KCNB2: variants seen among roughly 807,000 people sequenced by gnomAD.
The protein encoded by KCNB2 is potassium voltage-gated channel subfamily B member 2.
KCNB2 carries 15 observed loss-of-function variants against 61.5 expected under a neutral mutation model. The ratio of observed to expected loss-of-function variants is 0.24; its 90% CI spans 0.16 to 0.38. The LOEUF is 0.38. Among genes scored for constraint, KCNB2 ranks in the 10% least tolerant of loss-of-function variants. The probability of loss-of-function intolerance (pLI) is 1.00; values close to 1 mark genes in which losing one functional copy is unlikely to be tolerated. For synonymous variants in KCNB2, 457 were observed against 446.0 expected, an observed-to-expected ratio of 1.02 and a Z score of -0.31; for missense variants, 828 against 1,125.2, an observed-to-expected ratio of 0.74 and a Z score of 3.78.
chr8:72,646,271 T>C (rs1010017115), intron 2 of KCNB2, among the ~76,000 whole-genome samples: 3 of 152,170 alleles, frequency 2.0e-5, no homozygotes, highest in Admixed American at 1.3e-4. Context: ...TGTATTTGCA[T>C]TTTTACTTAC....
At chr8:72,775,183 C>T (rs923820070) in intron 2 of KCNB2, among the ~76,000 whole-genome samples, 3 of 152,162 alleles carry the variant, frequency 2.0e-5, no homozygotes, top group South Asian at 4.1e-4. Context: ...CCTTCCACAG[C>T]CTGCAGTCCT....
intron 2 of KCNB2, among the ~76,000 whole-genome samples, chr8:72,571,481 A>G (rs1430706891): frequency 6.6e-6 from 1 of 152,242 alleles, no homozygotes; most frequent in Admixed American, 6.5e-5. Context: ...GAAAACCATG[A>G]AATATAATCG....
intron 2 of KCNB2, among the ~76,000 whole-genome samples, chr8:72,672,550 AATTGGTCC>A (rs1167968096): frequency 6.6e-6 from 1 of 152,162 alleles, no homozygotes; most frequent in Non-Finnish European, 1.5e-5. Context: ...TTTTTATCAT[AATTGGTCC>A]TATTATCATT....
intron 2 of KCNB2, among the ~76,000 whole-genome samples, chr8:72,701,571 A>G (rs1302101676): frequency 2.0e-5 from 3 of 152,032 alleles, no homozygotes; most frequent in Non-Finnish European, 4.4e-5. Flanking sequence ...CTCTACTTCC[A>G]TTTTTTTCAT....
chr8:72,786,084 C>G (rs537666322), intron 2 of KCNB2, among the ~76,000 whole-genome samples: 2 of 150,624 alleles, frequency 1.3e-5, no homozygotes, highest in African/African-American at 4.9e-5. Context: ...AGACTTCACT[C>G]GCATTTTCAC....
intron 2 of KCNB2, among the ~76,000 whole-genome samples, chr8:72,893,780 A>G (rs970337318): frequency 7.2e-5 from 11 of 152,216 alleles, no homozygotes; most frequent in African/African-American, 1.4e-4. Context: ...TTTTGATTGA[A>G]TTGATTTGCT....
chr8:72,893,009 A>T (rs180770259), intron 2 of KCNB2, among the ~76,000 whole-genome samples: 1 of 152,134 alleles, frequency 6.6e-6, no homozygotes, highest in East Asian at 1.9e-4. Flanking sequence ...ACTACTGCAC[A>T]GTGAGAAAAT....
chr8:72,821,641 C>CAAAAAAAAAAA (rs61090576), intron 2 of KCNB2, among the ~76,000 whole-genome samples: 24 of 125,746 alleles, frequency 1.9e-4, no homozygotes, highest in South Asian at 5.6e-4. Flanking sequence ...CAAAAAAAAA[C>CAAAAAAAAAAA]AAAAAAAAAA....
intron 2 of KCNB2, among the ~76,000 whole-genome samples, chr8:72,597,369 A>G (rs955240047): frequency 1.3e-5 from 2 of 152,038 alleles, no homozygotes; most frequent in East Asian, 3.9e-4. Flanking sequence ...GGATCAACCC[A>G]CTGCATAAAG....
intron 2 of KCNB2, chr8:72,881,639 G>C (rs1411275924): frequency 6.7e-6 from 1 of 150,252 alleles, no homozygotes; most frequent in African/African-American, 2.4e-5. Flanking sequence ...TCTGTAGACA[G>C]AAAAGTACTA....
chr8:72,667,154 A>G (rs911991333), intron 2 of KCNB2, among the ~76,000 whole-genome samples: 3 of 152,202 alleles, frequency 2.0e-5, no homozygotes, highest in Non-Finnish European at 4.4e-5. Flanking sequence ...AGCACCTGGC[A>G]GAGTCTTTGT....
At chr8:72,930,293 A>G (rs1481945944) in intron 2 of KCNB2, among the ~76,000 whole-genome samples, 1 of 151,902 alleles carries the variant, frequency 6.6e-6, no homozygotes, top group African/African-American at 2.4e-5. Flanking sequence ...AGCATGATTT[A>G]TAGTCCTTTG....
Position 72,920,290 on chromosome 8 carries a change from T to G in KCNB2, c.580-15645T>G, listed in dbSNP as rs1806484380. On this transcript the variant is annotated intron_variant, in intron 2 of 2. Coordinates refer to ENST00000523207, the MANE Select transcript of KCNB2 (RefSeq NM_004770.3). The stretch of plus-strand genomic sequence containing the variant: ...CAATAGTCTATCAATAATGTTAACT[T>G]TGCTTAAATATTGAAGGATTTCATC... 2.0e-5 allele frequency among the ~76,000 whole-genome samples: 3 copies of G among 151,252 alleles called. No homozygotes were observed. The South Asian group carries it at 6.3e-4, about 32-fold the overall frequency.
chr8:72,861,860 A>C (rs1805420131), intron 2 of KCNB2, among the ~76,000 whole-genome samples: 1 of 152,162 alleles, frequency 6.6e-6, no homozygotes, highest in African/African-American at 2.4e-5. Flanking sequence ...TCCTGTGGCC[A>C]AAGACTTTCT....
At chr8:72,715,206 A>G (rs1341831488) in intron 2 of KCNB2, among the ~76,000 whole-genome samples, 3 of 152,150 alleles carry the variant, frequency 2.0e-5, no homozygotes, top group African/African-American at 7.2e-5. Context: ...CCACACAATA[A>G]TAATGGGAGA....
chr8:72,598,775 G>A (rs1197745572), intron 2 of KCNB2, among the ~76,000 whole-genome samples: 8 of 152,282 alleles, frequency 5.3e-5, no homozygotes, highest in East Asian at 1.9e-4. Context: ...AAATCAATGT[G>A]CAAAAATCAC....
At chr8:72,902,021 G>A (rs1180053155) in intron 2 of KCNB2, among the ~76,000 whole-genome samples, 1 of 152,166 alleles carries the variant, frequency 6.6e-6, no homozygotes, top group African/African-American at 2.4e-5. Context: ...GGACCATTCA[G>A]TAATGTGAAG....
intron 2 of KCNB2, among the ~76,000 whole-genome samples, chr8:72,722,119 A>G (rs145938084): frequency 9.2e-5 from 14 of 152,124 alleles, no homozygotes; most frequent in African/African-American, 3.1e-4. Flanking sequence ...TTGCCTCCTC[A>G]TATCTTCTCA....
chr8:72,935,057 C>A (rs1397760629), intron 2 of KCNB2, among the ~76,000 whole-genome samples: 1 of 152,042 alleles, frequency 6.6e-6, no homozygotes, highest in Non-Finnish European at 1.5e-5. Context: ...ATGATTGTTG[C>A]CTTTATTCAA....
Sources: gnomAD v4.1 joint callset for allele counts (sites outside exome capture counted in the v4.1 genomes callset) on GRCh38, gnomAD v4.1.1 for gene constraint, MANE v1.5 for transcripts, NCBI Gene and HGNC (gene_info 2026-07-23, HGNC 2026-07-21) for gene names.